The following PHF21B variants were observed in gnomAD, a reference collection of about 807,000 sequenced individuals.
PHF21B encodes the protein PHD finger protein 4.
A neutral mutation model predicts 62.2 loss-of-function variants in PHF21B; 22 were observed. The ratio of observed to expected loss-of-function variants is 0.35; its 90% CI spans 0.25 to 0.51. The LOEUF is 0.51. Ranked by LOEUF, PHF21B falls within the 20% of genes least tolerant of loss-of-function variation. The pLI is 0.97. For missense variants in PHF21B, 701 were observed against 707.9 expected, an observed-to-expected ratio of 0.99 and a Z score of 0.11; for synonymous variants, 341 against 314.7, an observed-to-expected ratio of 1.08 and a Z score of -0.88.
chr22:44,906,237 C>A (rs909369917), intron 5 of PHF21B, among the ~76,000 whole-genome samples: 16 of 152,138 alleles, frequency 1.1e-4, no homozygotes, highest in Non-Finnish European at 2.2e-4. Flanking sequence ...TTCACGTGAA[C>A]CCAGAGTCTT....
In PHF21B at chr22:44,914,054, G is replaced by A; in HGVS notation, c.599C>T (p.Ala200Val). 2 of 1,320,040 alleles carry A rather than the reference G, an allele frequency of 1.5e-6. No homozygotes were observed. Among genetic ancestry groups the A allele is most frequent in the Non-Finnish European group, 2.1e-6 (2 of 934,930 alleles). The allele number at this position is 1,320,040 out of a possible 1,614,324, so 81.8% of individuals were successfully genotyped here. A position where few individuals can be genotyped will look rare whatever the true frequency, so the allele number is the denominator to read the frequency against. ...GGGGTGGAGGGGACAGTGATGGGTT[G>A]CGGGGTGAGGGGAAGAGAGGAGGCG... is the stretch of plus-strand genomic sequence containing the variant. ...PPRLLSSPHPATHHCPLHPSS... is the reference protein window; with the variant it reads ...PPRLLSSPHPVTHHCPLHPSS... Residue 200 changes from alanine (A) to valine (V), a missense_variant, in exon 5 of 13, where the codon GCA (alanine) becomes GTA (valine). Ala to Val is a moderately conservative substitution (Grantham distance 64). Coordinates refer to ENST00000313237, the MANE Select transcript of PHF21B (RefSeq NM_138415.5).
intron 2 of PHF21B, among the ~76,000 whole-genome samples, chr22:44,964,467 C>T (rs1278014783): frequency 1.3e-5 from 2 of 151,484 alleles, no homozygotes; most frequent in African/African-American, 4.8e-5. Context: ...AGGAGGACCA[C>T]TCCCAAACCT....
At chr22:44,984,877 C>T (rs1171219034) in intron 2 of PHF21B, among the ~76,000 whole-genome samples, 1 of 152,180 alleles carries the variant, frequency 6.6e-6, no homozygotes, top group Non-Finnish European at 1.5e-5. Context: ...TGGGCCTGAC[C>T]TGAGATTTGT....
At chr22:44,977,752 ATTTTTT>A (rs112069200) in intron 2 of PHF21B, among the ~76,000 whole-genome samples, 1 of 135,152 alleles carries the variant, frequency 7.4e-6, no homozygotes, top group Non-Finnish European at 1.6e-5. Flanking sequence ...CTCATTTTTC[ATTTTTT>A]TTTTTTTTTG....
At chr22:45,008,695 C>A in intron 1 of PHF21B, 85 bp from the exon 2 acceptor site, 1 of 1,186,770 alleles carries the variant, frequency 8.4e-7, no homozygotes, top group Non-Finnish European at 1.1e-6. Flanking sequence ...ACCCCCCGCC[C>A]GGAGCCCCAC....
rs1046263493 is a variant in PHF21B at position 44,882,748 on chromosome 22, T to C, written c.*338A>G. ...GCTTGTCCCCTCCACAGCCTCAGCCTGCCCCTCCAACGGGCCAGAGGGAGG... is the reference window on the plus strand; with the variant it reads ...GCTTGTCCCCTCCACAGCCTCAGCCCGCCCCTCCAACGGGCCAGAGGGAGG... On this transcript the variant is annotated 3_prime_UTR_variant, in exon 13 of 13. Coordinates refer to ENST00000313237, the MANE Select transcript of PHF21B (RefSeq NM_138415.5). 2.2e-5 allele frequency: 6 copies of C among 270,322 alleles called. No homozygotes were observed. The highest frequency in any genetic ancestry group is 2.8e-5 in the Non-Finnish European group (4 of 143,234). The allele number at this position is 270,322 out of a possible 1,614,324, so 16.7% of individuals were successfully genotyped here.
chr22:44,884,116 T>TCACCAC (rs142366383), intron 12 of PHF21B, among the ~76,000 whole-genome samples: 12 of 50,666 alleles, frequency 2.4e-4, no homozygotes, highest in East Asian at 4.9e-4. Flanking sequence ...ATCAGCACCA[T>TCACCAC]CACCATCATG....
chr22:44,968,077 C>G, intron 2 of PHF21B, among the ~76,000 whole-genome samples: 1 of 152,094 alleles, frequency 6.6e-6, no homozygotes, highest in Non-Finnish European at 1.5e-5. Flanking sequence ...GACTGTCAGG[C>G]GTCTTCAGAG....
intron 2 of PHF21B, among the ~76,000 whole-genome samples, chr22:44,975,717 G>C (rs11090716): frequency 0.17 from 25,930 of 152,234 alleles, 2,392 homozygotes; most frequent in Middle Eastern, 0.2. Context: ...CAGTAAAGAG[G>C]CTGCCCTGAG....
chr22:44,931,895 C>T lies in PHF21B; in HGVS notation c.121-11405G>A, dbSNP rs753343760. Among the ~76,000 whole-genome samples the T allele has an allele frequency of 4.5e-4, 69 of 152,194 alleles. 1 individual carries two copies. The highest frequency in any genetic ancestry group is 7.8e-4 in the Non-Finnish European group (53 of 68,038). Reference sequence around the variant, plus strand: ...GAGCCTCCTGTGCAATCCCTCCCACCGTGGGCCCTGCTCTCAGAGAAGGAC... The same window carrying T: ...GAGCCTCCTGTGCAATCCCTCCCACTGTGGGCCCTGCTCTCAGAGAAGGAC... On this transcript the variant is annotated intron_variant, in intron 2 of 12. Transcript: ENST00000313237.
At chr22:44,935,410 C>A (rs942320627) in intron 2 of PHF21B, among the ~76,000 whole-genome samples, 1 of 151,904 alleles carries the variant, frequency 6.6e-6, no homozygotes, top group Non-Finnish European at 1.5e-5. Flanking sequence ...GTCAGGAGAT[C>A]GAGACCATCC....
intron 5 of PHF21B, chr22:44,902,448 A>G (rs1193863499): frequency 5.2e-6 from 1 of 191,156 alleles, no homozygotes; most frequent in Non-Finnish European, 1.1e-5. Flanking sequence ...AGAACCTAAT[A>G]AAGGATATAT....
At chr22:44,896,190 C>T in intron 5 of PHF21B, 107 bp from the exon 6 acceptor site, 2 of 1,256,972 alleles carry the variant, frequency 1.6e-6, no homozygotes, top group Non-Finnish European at 2.3e-6. Context: ...TCATGGGTGC[C>T]CTAACCACAG....
At chr22:44,955,938 G>C (rs953305951) in intron 2 of PHF21B, among the ~76,000 whole-genome samples, 1 of 152,196 alleles carries the variant, frequency 6.6e-6, no homozygotes, top group Non-Finnish European at 1.5e-5. Context: ...AGAGTGGTGA[G>C]GCTGAGGGCA....
At chr22:44,954,318 G>A (rs368770841) in intron 2 of PHF21B, among the ~76,000 whole-genome samples, 34 of 152,336 alleles carry the variant, frequency 2.2e-4, no homozygotes, top group African/African-American at 8.2e-4. Flanking sequence ...GGGACCCAGC[G>A]CAGGACACGC....
intron 2 of PHF21B, among the ~76,000 whole-genome samples, chr22:44,965,886 G>A (rs545778695): frequency 6.6e-6 from 1 of 152,202 alleles, no homozygotes; most frequent in South Asian, 2.1e-4. Context: ...CAGGACACCC[G>A]CTACCCCAAA....
At chr22:44,955,533 CA>C (rs1357661112) in intron 2 of PHF21B, among the ~76,000 whole-genome samples, 1 of 152,176 alleles carries the variant, frequency 6.6e-6, no homozygotes, top group Non-Finnish European at 1.5e-5. Flanking sequence ...GGGCATCCAC[CA>C]ATCCACTGAG....
Position 44,882,978 on chromosome 22 carries a change from T to G in PHF21B, c.*108A>C. ...CCCTCCTCTCCTCTGTCTGGTTAAT[T>G]TTTGTCTGAAATTCATAGTGTTTAT... On this transcript the variant is annotated 3_prime_UTR_variant, in exon 13 of 13. Coordinates refer to ENST00000313237, the MANE Select transcript of PHF21B (RefSeq NM_138415.5). The G allele has an allele frequency of 7.7e-7, 1 of 1,291,820 alleles. No individual in the cohort carries two copies. Among genetic ancestry groups the G allele is most frequent in the Non-Finnish European group, 1.1e-6 (1 of 946,914 alleles). The allele number at this position is 1,291,820 out of a possible 1,614,324, so 80.0% of individuals were successfully genotyped here.
intron 3 of PHF21B, among the ~76,000 whole-genome samples, chr22:44,918,010 C>G (rs2071469578): frequency 6.6e-6 from 1 of 152,270 alleles, no homozygotes; most frequent in South Asian, 2.1e-4. Context: ...TGTGGCCAGC[C>G]TGGGTTCAGG....
Sources: gnomAD v4.1 joint callset for allele counts (sites outside exome capture counted in the v4.1 genomes callset) on GRCh38, gnomAD v4.1.1 for gene constraint, MANE v1.5 for transcripts, NCBI Gene and HGNC (gene_info 2026-07-23, HGNC 2026-07-21) for gene names.